LRRC28: variants seen among roughly 807,000 people sequenced by gnomAD.
LRRC28 encodes leucine rich repeat containing 28, also known as leucine-rich repeat-containing protein 28.
A neutral mutation model predicts 45.7 loss-of-function variants in LRRC28; 39 were observed. That is an observed-to-expected ratio of 0.85 (90% CI 0.66 to 1.12). The LOEUF (loss-of-function observed/expected upper bound fraction) is 1.12, where lower values mean the gene tolerates loss of function less well. Among genes scored for constraint, LRRC28 ranks in the 50% most tolerant of loss-of-function variants. LRRC28 has a pLI of 0.00. For synonymous variants in LRRC28, 206 were observed against 178.8 expected, an observed-to-expected ratio of 1.15 and a Z score of -1.22; for missense variants, 435 against 438.5, an observed-to-expected ratio of 0.99 and a Z score of 0.07.
chr15:99,267,398 G>A (rs577326068), intron 2 of LRRC28, among the ~76,000 whole-genome samples: 5 of 152,308 alleles, frequency 3.3e-5, no homozygotes, highest in East Asian at 1.9e-4. Flanking sequence ...AGGAGAAACC[G>A]GGAGCGGGAA....
chr15:99,276,560 A>G lies in LRRC28; in HGVS notation c.169-16A>G. ...TTTTCAAAAATAAAATTTAATTCTG[A>G]GTTTTTAATTTTCAGCCAGAAAACC... On this transcript the variant is annotated splice_polypyrimidine_tract_variant and intron_variant, in intron 2 of 9. Coordinates refer to ENST00000301981, the MANE Select transcript of LRRC28 (RefSeq NM_144598.5). The G allele has an allele frequency of 6.5e-7, 1 of 1,547,510 alleles. No homozygotes were observed. Among genetic ancestry groups the G allele is most frequent in the Non-Finnish European group, 8.7e-7 (1 of 1,153,686 alleles).
At position 99,361,167 on chromosome 15, in the gene LRRC28, C is replaced by T. The variant is rs567214907; in HGVS notation, c.696-169C>T. ...CAACTGATGAGTTTAGATTGCTGGG[C>T]CAGGTTTTATGAAGGAACCCGGGAT... On this transcript the variant is annotated intron_variant, in intron 7 of 9. Coordinates refer to ENST00000301981, the MANE Select transcript of LRRC28 (RefSeq NM_144598.5). 25 of 749,930 alleles carry T rather than the reference C, an allele frequency of 3.3e-5. No homozygotes were observed. The South Asian group carries it at 4.7e-4, about 14-fold the overall frequency. 46.5% of individuals were successfully genotyped at this position (749,930 alleles called of 1,614,324 possible).
intron 9 of LRRC28, among the ~76,000 whole-genome samples, chr15:99,373,503 A>G (rs1369963983): frequency 6.6e-6 from 1 of 152,186 alleles, no homozygotes; most frequent in Non-Finnish European, 1.5e-5. Flanking sequence ...ACATTCCCTC[A>G]AGCATTTATT....
chr15:99,314,473 T>A (rs1047178337), intron 5 of LRRC28, among the ~76,000 whole-genome samples: 1 of 143,834 alleles, frequency 7.0e-6, no homozygotes, highest in Non-Finnish European at 1.5e-5. Context: ...AAATAAATAA[T>A]TTTGTAAAGA....
At position 99,292,344 on chromosome 15, in the gene LRRC28, T is replaced by C. The variant is rs1016397547; in HGVS notation, c.385+4393T>C. On this transcript the variant is annotated intron_variant, in intron 5 of 9. Transcript: ENST00000301981. The stretch of plus-strand genomic sequence containing the variant: ...TGTGTCTGTGTTGAGCAGGGGGATT[T>C]ATTAATCGTACAGTCTTTTTTTTTT... Among the ~76,000 whole-genome samples, 3 of 148,522 alleles carry C rather than the reference T, an allele frequency of 2.0e-5. No homozygotes were observed. In the Admixed American group the frequency reaches 2.1e-4, roughly 10 times the overall value.
Position 99,254,539 on chromosome 15 carries a change from A to G in LRRC28, c.-60-1359A>G, listed in dbSNP as rs1173675041. Among the ~76,000 whole-genome samples the G allele has an allele frequency of 1.1e-4, 6 of 52,784 alleles. No individual in the cohort carries two copies. The East Asian group carries it at 1.5e-3, about 13-fold the overall frequency. The allele number at this position is 52,784 out of a possible 152,430, so 34.6% of individuals were successfully genotyped here. Reference sequence around the variant, plus strand: ...GAAAAAGAGCTGAGGAAAACAGTCAAATCTTTAAGCAGAGCTCAACTTCTT... The same window carrying G: ...GAAAAAGAGCTGAGGAAAACAGTCAGATCTTTAAGCAGAGCTCAACTTCTT... On this transcript the variant is annotated intron_variant, in intron 1 of 9. Transcript: ENST00000301981.
chr15:99,346,578 C>G (rs1294023426), intron 6 of LRRC28, among the ~76,000 whole-genome samples: 1 of 152,074 alleles, frequency 6.6e-6, no homozygotes, highest in Non-Finnish European at 1.5e-5. Flanking sequence ...ATGTGCACTC[C>G]TGTGATTTTT....
chr15:99,265,718 G>C (rs925359582), intron 2 of LRRC28, among the ~76,000 whole-genome samples: 1 of 152,176 alleles, frequency 6.6e-6, no homozygotes, highest in Non-Finnish European at 1.5e-5. Context: ...TTCATGGTTT[G>C]GTAGCAAAAC....
chr15:99,267,713 A>G (rs565338766), intron 2 of LRRC28, among the ~76,000 whole-genome samples: 2 of 152,386 alleles, frequency 1.3e-5, no homozygotes, highest in South Asian at 2.1e-4. Flanking sequence ...TCCTGTCTTC[A>G]TAATACACAT....
At chr15:99,311,538 G>T (rs1955410220) in intron 5 of LRRC28, among the ~76,000 whole-genome samples, 1 of 152,082 alleles carries the variant, frequency 6.6e-6, no homozygotes, top group Admixed American at 6.6e-5. Context: ...TATGTTTTCA[G>T]TTTTAAAAAG....
At chr15:99,382,023 C>G (rs1299035834) in intron 9 of LRRC28, among the ~76,000 whole-genome samples, 1 of 152,246 alleles carries the variant, frequency 6.6e-6, no homozygotes, top group Non-Finnish European at 1.5e-5. Context: ...AGATCTCAAA[C>G]TCCGTGCTGG....
intron 2 of LRRC28, among the ~76,000 whole-genome samples, chr15:99,257,069 G>C (rs965494891): frequency 6.6e-6 from 1 of 152,172 alleles, no homozygotes; most frequent in Non-Finnish European, 1.5e-5. Context: ...TATATGGCAT[G>C]TTTTCCTGGA....
chr15:99,337,712 G>A (rs58113470), intron 6 of LRRC28: 1 of 152,252 alleles, frequency 6.6e-6, no homozygotes, highest in East Asian at 1.9e-4. Flanking sequence ...CCTTATGGCA[G>A]TTGAAGTAAC....
At chr15:99,379,628 AT>A (rs1836126218) in intron 9 of LRRC28, among the ~76,000 whole-genome samples, 2 of 151,962 alleles carry the variant, frequency 1.3e-5, no homozygotes, top group Admixed American at 1.3e-4. Context: ...TTTAATTGTG[AT>A]GTTAGGGTGT....
chr15:99,358,401 C>T (rs963621345), intron 7 of LRRC28, among the ~76,000 whole-genome samples: 1 of 152,060 alleles, frequency 6.6e-6, no homozygotes, highest in Non-Finnish European at 1.5e-5. Context: ...AATTCTAATA[C>T]AAATCTCTGG....
At chr15:99,311,503 C>G (rs1051006105) in intron 5 of LRRC28, among the ~76,000 whole-genome samples, 2 of 152,116 alleles carry the variant, frequency 1.3e-5, no homozygotes, top group Non-Finnish European at 2.9e-5. Context: ...CAATTTAATT[C>G]TGTTGTGGTC....
At chr15:99,290,119 G>A (rs1192651609) in intron 5 of LRRC28, among the ~76,000 whole-genome samples, 1 of 151,808 alleles carries the variant, frequency 6.6e-6, no homozygotes, top group African/African-American at 2.4e-5. Context: ...TTAGCCGGGT[G>A]TGGTGGCATT....
Position 99,342,538 on chromosome 15 carries a change from CA to C in LRRC28, c.592+8412del, listed in dbSNP as rs1318292365. Among the ~76,000 whole-genome samples, 7 of 152,326 alleles carry C rather than the reference CA, an allele frequency of 4.6e-5. No homozygotes were observed. In the East Asian group the frequency reaches 1.4e-3, roughly 29 times the overall value. ...AGATCCATAAAACACATATCACTTACAAATACCACATAAGTATACAGTCAAT... is the reference window on the plus strand; with the variant it reads ...AGATCCATAAAACACATATCACTTACAATACCACATAAGTATACAGTCAAT... On this transcript the variant is annotated intron_variant, in intron 6 of 9. Transcript: ENST00000301981.
chr15:99,361,479 G>A lies in LRRC28; in HGVS notation c.839G>A (p.Gly280Glu). The change falls in exon 8 of 10, where the codon GGG (glycine) becomes GAG (glutamate). Residue 280 changes from glycine to glutamate, a missense_variant. Physicochemically the swap from Gly to Glu is moderately conservative, Grantham distance 98. Transcript: ENST00000301981. ...VLPLQELAMRGLYHTYHSLLK... is the reference protein window; with the variant it reads ...VLPLQELAMRELYHTYHSLLK... Reference sequence around the variant, plus strand: ...CCTCTGCAGGAATTGGCTATGAGAGGGCTGTATCATACCTACCACAGCTTG... The same window carrying A: ...CCTCTGCAGGAATTGGCTATGAGAGAGCTGTATCATACCTACCACAGCTTG... 1.2e-6 allele frequency: 2 copies of A among 1,613,100 alleles called. No individual in the cohort carries two copies. Among genetic ancestry groups the A allele is most frequent in the South Asian group, 2.2e-5 (2 of 90,894 alleles).
Sources: gnomAD v4.1 joint callset for allele counts (sites outside exome capture counted in the v4.1 genomes callset) on GRCh38, gnomAD v4.1.1 for gene constraint, MANE v1.5 for transcripts, NCBI Gene and HGNC (gene_info 2026-07-23, HGNC 2026-07-21) for gene names.